The following NME7 variants were observed in gnomAD, a reference collection of about 807,000 sequenced individuals.
NME7 encodes nucleoside diphosphate kinase 7.
Under a neutral mutation model 49.1 loss-of-function variants are expected in NME7, and 41 were observed. The observed-to-expected ratio is 0.83, with a 90% CI of 0.65 to 1.08. The LOEUF (loss-of-function observed/expected upper bound fraction) is 1.08, where lower values mean the gene tolerates loss of function less well. Among genes scored for constraint, NME7 ranks in the 50% least tolerant of loss-of-function variants. NME7 has a pLI of 0.00. For missense variants in NME7, 423 were observed against 463.4 expected, an observed-to-expected ratio of 0.91 and a Z score of 0.80; for synonymous variants, 139 against 150.6, an observed-to-expected ratio of 0.92 and a Z score of 0.56.
intron 1 of NME7, among the ~76,000 whole-genome samples, chr1:169,336,303 C>G (rs559597315): frequency 6.6e-6 from 1 of 151,526 alleles, no homozygotes; most frequent in Admixed American, 6.7e-5. Context: ...TTGCAAAGAG[C>G]GAAAGAACAA....
intron 4 of NME7, 121 bp downstream of exon 4, chr1:169,309,849 T>C (rs1651316003): frequency 1.3e-5 from 8 of 608,862 alleles, no homozygotes; most frequent in Non-Finnish European, 2.2e-5. Context: ...GTTAAGTTAC[T>C]ATTCTATTCT....
At chr1:169,313,626 A>T (rs1329140382) in intron 3 of NME7, among the ~76,000 whole-genome samples, 1 of 152,176 alleles carries the variant, frequency 6.6e-6, no homozygotes, top group Non-Finnish European at 1.5e-5. Context: ...TATATGCAAT[A>T]CACCCACACA....
intron 3 of NME7, among the ~76,000 whole-genome samples, chr1:169,320,743 C>T (rs1037593301): frequency 6.6e-6 from 1 of 152,186 alleles, no homozygotes; most frequent in Non-Finnish European, 1.5e-5. Context: ...CAATTTGAGT[C>T]AGTAAAATAT....
At chr1:169,207,874 T>C (rs1245301730) in intron 10 of NME7, among the ~76,000 whole-genome samples, 2 of 152,150 alleles carry the variant, frequency 1.3e-5, no homozygotes, top group Non-Finnish European at 2.9e-5. Context: ...GAGTCCTGTT[T>C]ATCTTTTTTC....
intron 9 of NME7, among the ~76,000 whole-genome samples, chr1:169,234,410 G>T (rs1248282909): frequency 6.6e-6 from 1 of 152,072 alleles, no homozygotes; most frequent in Non-Finnish European, 1.5e-5. Flanking sequence ...ACCTTTTTAT[G>T]ACTGTACATG....
At chr1:169,363,806 G>C (rs932375657) in intron 1 of NME7, among the ~76,000 whole-genome samples, 4 of 152,292 alleles carry the variant, frequency 2.6e-5, no homozygotes, top group African/African-American at 9.6e-5. Context: ...TCCACAGAGA[G>C]GCCTTCATTG....
intron 6 of NME7, among the ~76,000 whole-genome samples, chr1:169,289,477 G>A (rs929865830): frequency 1.3e-5 from 2 of 152,098 alleles, no homozygotes; most frequent in African/African-American, 2.4e-5. Flanking sequence ...GAAAGCTTAA[G>A]TAACAAGCCC....
At chr1:169,186,073 C>T (rs1189647556) in intron 10 of NME7, among the ~76,000 whole-genome samples, 1 of 151,996 alleles carries the variant, frequency 6.6e-6, no homozygotes, top group African/African-American at 2.4e-5. Context: ...ATGCACCAAA[C>T]AGATTGAATT....
chr1:169,320,323 T>G (rs1207181840), intron 3 of NME7, among the ~76,000 whole-genome samples: 3 of 152,192 alleles, frequency 2.0e-5, no homozygotes, highest in Non-Finnish European at 4.4e-5. Flanking sequence ...CAAAGGGAAT[T>G]GGAAAGCTGA....
At chr1:169,140,114 ATAT>A (rs201617594) in intron 11 of NME7, among the ~76,000 whole-genome samples, 215 of 152,352 alleles carry the variant, frequency 1.4e-3, no homozygotes, top group African/African-American at 4.8e-3. Context: ...ATACTGTTAA[ATAT>A]TATAAATAAT....
chr1:169,186,706 A>G (rs978714823), intron 10 of NME7, among the ~76,000 whole-genome samples: 6 of 152,080 alleles, frequency 3.9e-5, no homozygotes, highest in Admixed American at 1.3e-4. Context: ...TCCAAAAACC[A>G]GCTCCTGGAT....
At chr1:169,161,960 A>T (rs1659260025) in intron 11 of NME7, among the ~76,000 whole-genome samples, 1 of 128,278 alleles carries the variant, frequency 7.8e-6, no homozygotes, top group Non-Finnish European at 1.8e-5. Context: ...GTCTTTTGAG[A>T]TGTTTTTTTT....
intron 1 of NME7, among the ~76,000 whole-genome samples, chr1:169,357,643 A>C (rs1653509722): frequency 6.6e-6 from 1 of 152,112 alleles, no homozygotes; most frequent in Admixed American, 6.6e-5. Context: ...CAGTGCATGC[A>C]GTAAAATCCA....
chr1:169,164,418 A>C (rs1318066019), intron 11 of NME7, among the ~76,000 whole-genome samples: 1 of 152,190 alleles, frequency 6.6e-6, no homozygotes, highest in Non-Finnish European at 1.5e-5. Flanking sequence ...AATAGTAATA[A>C]TAATAATAAC....
chr1:169,362,482 T>C (rs1409680268), intron 1 of NME7, among the ~76,000 whole-genome samples: 2 of 152,188 alleles, frequency 1.3e-5, no homozygotes, highest in Non-Finnish European at 2.9e-5. Flanking sequence ...TTAAATGAGG[T>C]GTATGAGAAA....
At chr1:169,302,070 T>A (rs72700067) in intron 5 of NME7, 36,195 of 150,950 alleles carry the variant, frequency 0.24, 5,312 homozygotes, top group Non-Finnish European at 0.34. Context: ...TAGAAGTTGA[T>A]TTTTTTTTAA....
At chr1:169,235,270 A>G in intron 8 of NME7, 71 bp from the exon 9 acceptor site, 4 of 698,908 alleles carry the variant, frequency 5.7e-6, no homozygotes, top group Non-Finnish European at 9.3e-6. Context: ...AGCCACACTT[A>G]GCACTTAACA....
At chr1:169,333,407 G>A (rs1359401863) in intron 1 of NME7, among the ~76,000 whole-genome samples, 1 of 152,060 alleles carries the variant, frequency 6.6e-6, no homozygotes, top group Admixed American at 6.6e-5. Context: ...TTTGATAGCA[G>A]AGTAGGGTGA....
chr1:169,332,008 C>A lies in NME7; in HGVS notation c.4-7508G>T, dbSNP rs369795352. On this transcript the variant is annotated intron_variant, in intron 1 of 11. Transcript: ENST00000367811. ...TGGAACCACAAAAAACTCAGAATAG[C>A]CAAAACCATCCTAAGCAAAAAGAAC... 5.3e-5 allele frequency among the ~76,000 whole-genome samples: 8 copies of A among 152,072 alleles called. No homozygotes were observed. The South Asian group carries it at 1.2e-3, about 24-fold the overall frequency.
Sources: allele counts gnomAD v4.1 joint callset (sites outside exome capture counted in the v4.1 genomes callset), GRCh38; gene constraint gnomAD v4.1.1; transcripts MANE v1.5; gene names NCBI Gene and HGNC (gene_info 2026-07-23, HGNC 2026-07-21).